The following NRK variants were observed in gnomAD, a reference collection of about 807,000 sequenced individuals.
The protein encoded by NRK is Nik related kinase.
NRK carries 67 observed loss-of-function variants against 125.2 expected under a neutral mutation model. That is an observed-to-expected ratio of 0.54 (90% CI 0.44 to 0.66). The LOEUF is 0.66. Among genes scored for constraint, NRK ranks in the 30% least tolerant of loss-of-function variants. The probability of loss-of-function intolerance (pLI) is 0.00; values close to 1 mark genes in which losing one functional copy is unlikely to be tolerated. For synonymous variants in NRK, 458 were observed against 429.0 expected, an observed-to-expected ratio of 1.07 and a Z score of -0.84; for missense variants, 1,224 against 1,192.9, an observed-to-expected ratio of 1.03 and a Z score of -0.38.
Position 105,881,762 on chromosome X carries a change from GT to G in NRK, c.237del (p.Trp81GlyfsTer17). 8.9e-7 allele frequency: 1 copy of G among 1,128,648 alleles called. No individual in the cohort carries two copies. The highest frequency in any genetic ancestry group is 3.2e-5 in the East Asian group (1 of 31,155). 93.0% of individuals were successfully genotyped at this position (1,128,648 alleles called of 1,213,427 possible). A position where few individuals can be genotyped will look rare whatever the true frequency, so the allele number is the denominator to read the frequency against. On this transcript the variant is annotated frameshift_variant, in exon 4 of 29. Coordinates refer to ENST00000243300, the MANE Select transcript of NRK (RefSeq NM_198465.4). LOFTEE classifies it high-confidence loss of function. ...GAGAGTGAATAAATATCAAAAATCT[GT>G]TGGGTGGAGATACAGTGTGAGTACT... is the stretch of plus-strand genomic sequence containing the variant. The part of the protein sequence containing the change: ...RVRVNKYQKS[V>X]GWRYSDEEED...
Position 105,829,220 on chromosome X carries a change from A to G in NRK, c.58-1834A>G, listed in dbSNP as rs1372640766. On this transcript the variant is annotated intron_variant, in intron 1 of 28. Coordinates refer to ENST00000243300, the MANE Select transcript of NRK (RefSeq NM_198465.4). ...GTCTTCTGACTCTCTGTCCAGTTGA[A>G]TACTTATTGAATGATGTAATCCCAA... is the stretch of plus-strand genomic sequence containing the variant. Among the ~76,000 whole-genome samples the G allele has an allele frequency of 3.6e-5, 4 of 112,141 alleles. No individual in the cohort carries two copies. The East Asian group carries it at 1.1e-3, about 31-fold the overall frequency.
intron 2 of NRK, among the ~76,000 whole-genome samples, chrX:105,846,102 A>G (rs959251210): frequency 9.0e-6 from 1 of 111,390 alleles, no homozygotes; most frequent in African/African-American, 3.3e-5. Flanking sequence ...TATACCTAAT[A>G]TAGGCCCAAG....
At chrX:105,923,627 A>G (rs1353146732) in intron 18 of NRK, 145 bp downstream of exon 18, 1 of 411,395 alleles carries the variant, frequency 2.4e-6, no homozygotes, top group Non-Finnish European at 4.2e-6. Context: ...TCAATAATGT[A>G]TTTTAAATTG....
chrX:105,952,952 C>T (rs1358539561), intron 27 of NRK, 82 bp from the exon 28 acceptor site: 1 of 813,409 alleles, frequency 1.2e-6, no homozygotes, highest in Non-Finnish European at 1.7e-6. Context: ...TCTTAATAAA[C>T]AAACATTGAC....
chrX:105,929,384 G>A (rs1248128445), intron 19 of NRK, among the ~76,000 whole-genome samples: 3 of 111,011 alleles, frequency 2.7e-5, no homozygotes, highest in African/African-American at 9.8e-5. Context: ...TGTCATTACA[G>A]GTAAGGTGAA....
At chrX:105,952,875 A>C (rs1284463147) in intron 27 of NRK, among the ~76,000 whole-genome samples, 159 bp from the exon 28 acceptor site, 2 of 112,254 alleles carry the variant, frequency 1.8e-5, no homozygotes, top group African/African-American at 6.5e-5. Context: ...TGAGCAGCAA[A>C]ATGGCCAAAC....
At position 105,924,797 on chromosome X, in the gene NRK, A is replaced by C. The variant is rs2040501511; in HGVS notation, c.3078A>C (p.Arg1026Ser). The change falls in exon 19 of 29, where the codon AGA (arginine) becomes AGC (serine). Residue 1026 changes from arginine to serine, a missense_variant. Arg to Ser is a moderately radical substitution (Grantham distance 110). Transcript: ENST00000243300. Reference sequence around the variant, plus strand: ...GCTATGGAAGCCATACAGCCAATAGAAGCCATGGAGGAAGTGCAGCCAGTG... The same window carrying C: ...GCTATGGAAGCCATACAGCCAATAGCAGCCATGGAGGAAGTGCAGCCAGTG... ...YRGYGSHTAN[R>S]SHGGSAASED... 1.7e-6 allele frequency: 2 copies of C among 1,210,301 alleles called. No individual in the cohort carries two copies. The highest frequency in any genetic ancestry group is 2.2e-6 in the Non-Finnish European group (2 of 894,572).
intron 2 of NRK, among the ~76,000 whole-genome samples, chrX:105,842,817 A>G (rs750003670): frequency 2.7e-5 from 3 of 111,176 alleles, no homozygotes; most frequent in Non-Finnish European, 5.7e-5. Flanking sequence ...AAGGTGTGCT[A>G]TTTAAGTAAA....
At chrX:105,891,212 A>G (rs766587278) in intron 5 of NRK, among the ~76,000 whole-genome samples, 5 of 111,796 alleles carry the variant, frequency 4.5e-5, no homozygotes, top group Non-Finnish European at 7.5e-5. Context: ...GGTGTATCAC[A>G]AATTCTAGAT....
At chrX:105,904,710 T>G (rs2040199132) in intron 9 of NRK, among the ~76,000 whole-genome samples, 1 of 111,389 alleles carries the variant, frequency 9.0e-6, no homozygotes, top group Non-Finnish European at 1.9e-5. Flanking sequence ...GTCACAAAGG[T>G]AGAGCTAGGT....
intron 2 of NRK, among the ~76,000 whole-genome samples, chrX:105,834,613 TTTC>T (rs1237139501): frequency 1.3e-4 from 14 of 111,425 alleles, no homozygotes; most frequent in Non-Finnish European, 2.3e-4. Flanking sequence ...CTCTATTTGC[TTTC>T]TTCTTCTTTT....
chrX:105,923,375 T>A lies in NRK; in HGVS notation c.2868T>A (p.Asp956Glu). The change falls in exon 18 of 29, where the codon GAT (aspartate) becomes GAA (glutamate). Residue 956 changes from aspartate to glutamate, a missense_variant. Transcript: ENST00000243300. ...ATGCCAATGGCAATGATGACTTGGA[T>A]AACCAGGTTGATCAGGCTAATGATG... Reference protein sequence around the residue: ...YDHANGNDDLDNQVDQANDVC... With the variant: ...YDHANGNDDLENQVDQANDVC... 8.6e-7 allele frequency: 1 copy of A among 1,164,456 alleles called. No homozygotes were observed. Among genetic ancestry groups the A allele is most frequent in the East Asian group, 3.2e-5 (1 of 30,901 alleles).
chrX:105,891,225 A>T (rs2040013186), intron 5 of NRK, among the ~76,000 whole-genome samples: 1 of 111,870 alleles, frequency 8.9e-6, no homozygotes, highest in South Asian at 3.7e-4. Context: ...TTCTAGATCA[A>T]TAAGATATAA....
In NRK at chrX:105,924,747, C is replaced by T. The variant is rs753644548; in HGVS notation, c.3028C>T (p.Arg1010Cys). 3.3e-6 allele frequency: 4 copies of T among 1,201,408 alleles called. No homozygotes were observed. The highest frequency in any genetic ancestry group is 3.0e-5 in the East Asian group (1 of 33,337). The change falls in exon 19 of 29, where the codon CGT becomes TGT. Residue 1010 changes from arginine (R) to cysteine (C), a missense_variant. Physicochemically the swap from Arg to Cys is radical, Grantham distance 180. Transcript: ENST00000243300. ...CAAGCAAGATGGTTATGATGGAAGT[C>T]GTGGAAAAGAGGAAGCCTACAGAGG... is the stretch of plus-strand genomic sequence containing the variant. ...SCKQDGYDGS[R>C]GKEEAYRGYG...
At position 105,945,934 on chromosome X, in the gene NRK, A is replaced by T; in HGVS notation, c.4122A>T (p.Arg1374=). ...ACATGTCCTATCAAGCCTATATACG[A>T]ATACTGGCAAAAATACAGGCAGCTG... The part of the protein sequence containing the change: ...GDYMSYQAYI[R]ILAKIQAADP... Residue 1374 remains arginine (R), a synonymous_variant, in exon 25 of 29, where the codon CGA becomes CGT. Transcript: ENST00000243300. 1 of 1,207,054 alleles carries T rather than the reference A, an allele frequency of 8.3e-7. No individual in the cohort carries two copies. Among genetic ancestry groups the T allele is most frequent in the Non-Finnish European group, 1.1e-6 (1 of 891,383 alleles).
In NRK at chrX:105,860,057, G is replaced by A. The variant is rs1034097167; in HGVS notation, c.124-20142G>A. The stretch of plus-strand genomic sequence containing the variant: ...ATTTTTTTATTGCTTGCTATGTGTC[G>A]GGCACTATGCTACTTCTTTCTTGTA... On this transcript the variant is annotated intron_variant, in intron 2 of 28. Coordinates refer to ENST00000243300, the MANE Select transcript of NRK (RefSeq NM_198465.4). 2.7e-5 allele frequency among the ~76,000 whole-genome samples: 3 copies of A among 110,920 alleles called. No individual in the cohort carries two copies. In the East Asian group the frequency reaches 8.6e-4, roughly 32 times the overall value.
intron 22 of NRK, 41 bp from the exon 23 acceptor site, chrX:105,939,833 A>G: frequency 1.2e-6 from 1 of 824,665 alleles, no homozygotes; most frequent in Non-Finnish European, 1.7e-6. Context: ...ATATGAAAAG[A>G]AAGACTGATT....
At chrX:105,841,010 A>G (rs1302985992) in intron 2 of NRK, among the ~76,000 whole-genome samples, 1 of 110,841 alleles carries the variant, frequency 9.0e-6, no homozygotes, top group African/African-American at 3.3e-5. Flanking sequence ...TCCTCATCAC[A>G]TTTCATGAAA....
At position 105,880,251 on chromosome X, in the gene NRK, G is replaced by A. The variant is rs1439579414; in HGVS notation, c.176G>A (p.Arg59His). The change falls in exon 3 of 29, where the codon CGT becomes CAT. Residue 59 changes from arginine to histidine, a missense_variant. Transcript: ENST00000243300. ...ACAGCTGTTAAAGTGATGAACGCTC[G>A]TAAGGTAATATTATAAATTGCCTGT... is the stretch of plus-strand genomic sequence containing the variant. ...AFTAVKVMNA[R>H]KTPLPEIGRR... is the part of the protein sequence containing the mutation. 8 of 1,022,108 alleles carry A rather than the reference G, an allele frequency of 7.8e-6. No individual in the cohort carries two copies. The highest frequency in any genetic ancestry group is 9.2e-6 in the Non-Finnish European group (7 of 764,128). The allele number at this position is 1,022,108 out of a possible 1,213,427, so 84.2% of individuals were successfully genotyped here.
Sources: allele counts gnomAD v4.1 joint callset (sites outside exome capture counted in the v4.1 genomes callset), GRCh38; gene constraint gnomAD v4.1.1; transcripts MANE v1.5; gene names NCBI Gene and HGNC (gene_info 2026-07-23, HGNC 2026-07-21).